FMN2: variants seen among roughly 807,000 people sequenced by gnomAD.
FMN2 encodes formin 2.
FMN2 carries 51 observed loss-of-function variants against 142.3 expected under a neutral mutation model. The observed-to-expected ratio is 0.36, with a 90% confidence interval of 0.29 to 0.45. The LOEUF is 0.45. Ranked by LOEUF, FMN2 falls within the 20% of genes least tolerant of loss-of-function variation. FMN2 has a pLI of 1.00. For synonymous variants in FMN2, 882 were observed against 869.8 expected, an observed-to-expected ratio of 1.01 and a Z score of -0.25; for missense variants, 1,936 against 2,122.8, an observed-to-expected ratio of 0.91 and a Z score of 1.73.
chr1:240,146,839 A>AC (rs1313258868), intron 2 of FMN2, among the ~76,000 whole-genome samples: 2 of 152,150 alleles, frequency 1.3e-5, no homozygotes, highest in East Asian at 3.9e-4. Context: ...TCATTATTGT[A>AC]CCATTTCACT....
intron 16 of FMN2, among the ~76,000 whole-genome samples, chr1:240,468,206 A>ATATGTGTGTGTGTGTGTGTGTG: frequency 6.8e-6 from 1 of 147,970 alleles, no homozygotes; most frequent in South Asian, 2.2e-4. Context: ...ATATATATAT[A>ATATGTGTGTGTGTGTGTGTGTG]TGTGTGTGTG....
At chr1:240,255,385 C>T (rs192488303) in intron 6 of FMN2, among the ~76,000 whole-genome samples, 1 of 152,316 alleles carries the variant, frequency 6.6e-6, no homozygotes, top group East Asian at 1.9e-4. Context: ...TTTTTGATAA[C>T]TTCCCAGGTG....
intron 17 of FMN2, 22 bp from the exon 18 acceptor site, chr1:240,474,106 T>A (rs976367466): frequency 6.4e-7 from 1 of 1,557,590 alleles, no homozygotes; most frequent in Non-Finnish European, 8.6e-7. Flanking sequence ...CTAAAACTTT[T>A]ATCTGGTGTA....
At chr1:240,246,600 G>T (rs1355879440) in intron 6 of FMN2, among the ~76,000 whole-genome samples, 1 of 152,130 alleles carries the variant, frequency 6.6e-6, no homozygotes, top group East Asian at 1.9e-4. Flanking sequence ...TCACCCGAAA[G>T]CTCGTTAGAA....
chr1:240,257,568 G>A (rs1007347763), intron 6 of FMN2, among the ~76,000 whole-genome samples: 4 of 152,074 alleles, frequency 2.6e-5, no homozygotes, highest in African/African-American at 9.7e-5. Flanking sequence ...GCTCCACATT[G>A]AAAGAAAAAA....
At chr1:240,439,270 C>CAAAAAAAAAAAAA (rs58234038) in intron 16 of FMN2, among the ~76,000 whole-genome samples, 13 of 101,248 alleles carry the variant, frequency 1.3e-4, no homozygotes, top group African/African-American at 5.9e-4. Context: ...AAGGCTGTCT[C>CAAAAAAAAAAAAA]AAAAAAAAAA....
chr1:240,221,647 T>A (rs1667119072), intron 6 of FMN2, among the ~76,000 whole-genome samples: 1 of 152,148 alleles, frequency 6.6e-6, no homozygotes, highest in Non-Finnish European at 1.5e-5. Context: ...TTTTGTCAGA[T>A]GGATAGATTG....
chr1:240,155,970 G>A (rs1664008407), intron 2 of FMN2, among the ~76,000 whole-genome samples: 1 of 151,404 alleles, frequency 6.6e-6, no homozygotes, highest in Admixed American at 6.6e-5. Flanking sequence ...CAGACGTGGT[G>A]GCTCACTCCT....
At chr1:240,139,653 G>T (rs1663096450) in intron 2 of FMN2, among the ~76,000 whole-genome samples, 1 of 152,244 alleles carries the variant, frequency 6.6e-6, no homozygotes, top group African/African-American at 2.4e-5. Flanking sequence ...AAGACTGAAA[G>T]CTACTGATAA....
At chr1:240,387,802 A>G (rs1348183990) in intron 14 of FMN2, among the ~76,000 whole-genome samples, 1 of 152,204 alleles carries the variant, frequency 6.6e-6, no homozygotes, top group Admixed American at 6.5e-5. Context: ...CCTACTTTGT[A>G]GTAATACTGA....
chr1:240,193,891 A>G (rs1340005107), intron 4 of FMN2, among the ~76,000 whole-genome samples: 2 of 152,236 alleles, frequency 1.3e-5, no homozygotes, highest in African/African-American at 4.8e-5. Context: ...GACTGCTCAT[A>G]GCATTTGAGA....
chr1:240,241,675 A>T (rs887542477), intron 6 of FMN2, among the ~76,000 whole-genome samples: 1 of 152,058 alleles, frequency 6.6e-6, no homozygotes, highest in African/African-American at 2.4e-5. Flanking sequence ...ATTCAACTTG[A>T]CTGTATTTAG....
rs138178596 is a variant in FMN2, at chr1:240,380,035, T to C, written c.4859-12476T>C. Reference sequence around the variant, plus strand: ...AAGAGATAGACAGCAATAGAGTAATTTGGGGACACTTCAATACACCATTGG... The same window carrying C: ...AAGAGATAGACAGCAATAGAGTAATCTGGGGACACTTCAATACACCATTGG... On this transcript the variant is annotated intron_variant, in intron 14 of 17. Transcript: ENST00000319653. 2.2e-3 allele frequency among the ~76,000 whole-genome samples: 338 copies of C among 152,154 alleles called. 1 individual carries two copies. Among genetic ancestry groups the C allele is most frequent in the African/African-American group, 7.8e-3 (322 of 41,542 alleles).
intron 16 of FMN2, among the ~76,000 whole-genome samples, chr1:240,456,733 G>A (rs188990522): frequency 1.3e-3 from 194 of 152,318 alleles, no homozygotes; most frequent in Non-Finnish European, 2.4e-3. Flanking sequence ...TGGAATCGTA[G>A]GCGTGAGCCA....
At chr1:240,125,358 C>T (rs1662452161) in intron 2 of FMN2, among the ~76,000 whole-genome samples, 1 of 152,184 alleles carries the variant, frequency 6.6e-6, no homozygotes, top group African/African-American at 2.4e-5. Context: ...AATGACATTG[C>T]AGCTAATCGC....
chr1:240,362,245 G>C (rs1672512226), intron 14 of FMN2, among the ~76,000 whole-genome samples: 1 of 152,076 alleles, frequency 6.6e-6, no homozygotes, highest in South Asian at 2.1e-4. Context: ...TCTATTTTCT[G>C]TCACATATGT....
intron 7 of FMN2, among the ~76,000 whole-genome samples, chr1:240,290,547 C>T (rs533839596): frequency 1.3e-5 from 2 of 152,182 alleles, no homozygotes; most frequent in Admixed American, 6.5e-5. Flanking sequence ...AATTATTTTT[C>T]TACTATATAA....
intron 7 of FMN2, among the ~76,000 whole-genome samples, chr1:240,286,472 T>C (rs1669593867): frequency 1.3e-5 from 2 of 152,194 alleles, no homozygotes; most frequent in South Asian, 4.1e-4. Flanking sequence ...CAAGTGCCTG[T>C]TGCCAGTTCC....
Position 240,334,168 on chromosome 1 carries a change from C to G in FMN2, c.4704C>G (p.Ala1568=). 5.6e-6 allele frequency: 9 copies of G among 1,608,960 alleles called. No homozygotes were observed. The highest frequency in any genetic ancestry group is 6.8e-6 in the Non-Finnish European group (8 of 1,178,638). Residue 1568 remains alanine, a synonymous_variant, in exon 13 of 18, where the codon GCC becomes GCG. Transcript: ENST00000319653. Reference sequence around the variant, plus strand: ...CAGAACCCCAGGACCTTTTTCAGGCCTCACAGATGAAGTTTGAAGATTTTC... The same window carrying G: ...CAGAACCCCAGGACCTTTTTCAGGCGTCACAGATGAAGTTTGAAGATTTTC... ...PLPEPQDLFQ[A]SQMKFEDFQK... is the part of the protein sequence containing the mutation.
Sources: allele counts gnomAD v4.1 joint callset (sites outside exome capture counted in the v4.1 genomes callset), GRCh38; gene constraint gnomAD v4.1.1; transcripts MANE v1.5; gene names NCBI Gene and HGNC (gene_info 2026-07-23, HGNC 2026-07-21).